The following MAML2 variants were observed in gnomAD, a reference collection of about 807,000 sequenced individuals.
MAML2 encodes the protein mastermind-like protein 2.
Under a neutral mutation model 96.1 loss-of-function variants are expected in MAML2, and 22 were observed. That is an observed-to-expected ratio of 0.23 (90% confidence interval 0.16 to 0.33). The LOEUF (loss-of-function observed/expected upper bound fraction) is 0.33, where lower values mean the gene tolerates loss of function less well. Among genes scored for constraint, MAML2 ranks in the 10% least tolerant of loss-of-function variants. The pLI, the probability that MAML2 is intolerant of heterozygous loss-of-function variation, is 1.00. For synonymous variants in MAML2, 561 were observed against 521.3 expected, an observed-to-expected ratio of 1.08 and a Z score of -1.04; for missense variants, 1,367 against 1,392.4, an observed-to-expected ratio of 0.98 and a Z score of 0.29.
chr11:96,050,362 G>T (rs978901655), intron 2 of MAML2, among the ~76,000 whole-genome samples: 2 of 152,140 alleles, frequency 1.3e-5, no homozygotes, highest in Admixed American at 6.5e-5. Context: ...GGCAAATATG[G>T]CCATGCCTGT....
chr11:96,041,470 A>T (rs1254918380), intron 2 of MAML2, among the ~76,000 whole-genome samples: 1 of 150,626 alleles, frequency 6.6e-6, no homozygotes, highest in Non-Finnish European at 1.5e-5. Context: ...ACAGAGTGAG[A>T]CTCCATAAAA....
At chr11:96,033,622 T>C (rs1858653066) in intron 2 of MAML2, among the ~76,000 whole-genome samples, 1 of 152,166 alleles carries the variant, frequency 6.6e-6, no homozygotes, top group Non-Finnish European at 1.5e-5. Context: ...TAATTTTGTT[T>C]TGGATGGTGC....
chr11:95,991,464 A>G, intron 3 of MAML2, 56 bp downstream of exon 3: 1 of 1,519,140 alleles, frequency 6.6e-7, no homozygotes, highest in Non-Finnish European at 9.1e-7. Flanking sequence ...GAAAAGAATA[A>G]ACTCCCTCTG....
chr11:96,136,813 A>G (rs1014704819), intron 1 of MAML2, among the ~76,000 whole-genome samples: 1 of 152,236 alleles, frequency 6.6e-6, no homozygotes, highest in African/African-American at 2.4e-5. Flanking sequence ...ACTTAGATCA[A>G]AATCCCTGTT....
chr11:96,186,461 T>C (rs1217412003), intron 1 of MAML2, among the ~76,000 whole-genome samples: 1 of 152,118 alleles, frequency 6.6e-6, no homozygotes, highest in Non-Finnish European at 1.5e-5. Context: ...TGGTGGTGCA[T>C]GCCTATAATC....
intron 1 of MAML2, among the ~76,000 whole-genome samples, chr11:96,150,945 G>A (rs1232026165): frequency 1.3e-5 from 2 of 152,088 alleles, no homozygotes; most frequent in African/African-American, 4.8e-5. Context: ...AGCATCTTAA[G>A]CCCCTCCCTA....
At chr11:96,250,182 C>T (rs569849749) in intron 1 of MAML2, among the ~76,000 whole-genome samples, 40 of 152,088 alleles carry the variant, frequency 2.6e-4, no homozygotes, top group Admixed American at 5.2e-4. Context: ...TATGAGTATA[C>T]ATCCATCTAG....
intron 2 of MAML2, among the ~76,000 whole-genome samples, chr11:96,064,928 G>C (rs1215673315): frequency 6.6e-6 from 1 of 151,992 alleles, no homozygotes; most frequent in African/African-American, 2.4e-5. Flanking sequence ...TTGTCATTTT[G>C]CTTGAACTCT....
chr11:96,222,223 G>A (rs868241117), intron 1 of MAML2, among the ~76,000 whole-genome samples: 13 of 152,176 alleles, frequency 8.5e-5, no homozygotes, highest in South Asian at 2.1e-4. Flanking sequence ...TGAAACATAC[G>A]CCTTGTGCTT....
intron 1 of MAML2, among the ~76,000 whole-genome samples, chr11:96,297,165 T>C (rs986173915): frequency 5.9e-5 from 9 of 152,138 alleles, no homozygotes; most frequent in African/African-American, 1.9e-4. Flanking sequence ...ACAGAGGAAA[T>C]GAAAATTCCG....
At chr11:96,280,099 C>T (rs1863044064) in intron 1 of MAML2, among the ~76,000 whole-genome samples, 1 of 152,212 alleles carries the variant, frequency 6.6e-6, no homozygotes, top group Non-Finnish European at 1.5e-5. Context: ...CACACACAAT[C>T]ATTCTTTTAT....
intron 1 of MAML2, among the ~76,000 whole-genome samples, chr11:96,339,802 C>A (rs1050508955): frequency 6.6e-6 from 1 of 152,176 alleles, no homozygotes; most frequent in Non-Finnish European, 1.5e-5. Context: ...ATTCTTTACC[C>A]CCCTCCTTTA....
At chr11:96,238,792 G>T (rs1428173345) in intron 1 of MAML2, among the ~76,000 whole-genome samples, 4 of 152,202 alleles carry the variant, frequency 2.6e-5, no homozygotes, top group Admixed American at 2.0e-4. Flanking sequence ...GAACATTATT[G>T]AGTCACTGAT....
intron 2 of MAML2, among the ~76,000 whole-genome samples, chr11:96,073,717 A>C (rs746332010): frequency 6.6e-5 from 10 of 152,194 alleles, no homozygotes; most frequent in Non-Finnish European, 1.5e-4. Flanking sequence ...TCCACATTCC[A>C]GTTAGCCGAG....
intron 2 of MAML2, among the ~76,000 whole-genome samples, chr11:96,056,169 T>C (rs1043048828): frequency 2.6e-5 from 4 of 152,208 alleles, no homozygotes; most frequent in African/African-American, 9.6e-5. Flanking sequence ...CTTCAGCTCA[T>C]GTTTGTTCTA....
intron 2 of MAML2, among the ~76,000 whole-genome samples, chr11:96,028,979 A>G (rs1226950269): frequency 6.6e-6 from 1 of 152,166 alleles, no homozygotes; most frequent in East Asian, 1.9e-4. Flanking sequence ...ATTTATGGCA[A>G]CTGAATAACA....
rs1857675812 is a variant in MAML2 at position 95,978,135 on chromosome 11, TG to T, written c.*812del. 1 of 213,262 alleles carries T rather than the reference TG, an allele frequency of 4.7e-6. No individual in the cohort carries two copies. The highest frequency in any genetic ancestry group is 2.3e-5 in the African/African-American group (1 of 44,252). The allele number at this position is 213,262 out of a possible 1,614,324, so 13.2% of individuals were successfully genotyped here. On this transcript the variant is annotated 3_prime_UTR_variant, in exon 5 of 5. Coordinates refer to ENST00000524717, the MANE Select transcript of MAML2 (RefSeq NM_032427.4). ...AAATCTTATTTATAGCAATGTCCAC[TG>T]GGTTTTTTAAAAAAGTGAAATCTAA... is the stretch of plus-strand genomic sequence containing the variant.
At chr11:96,076,670 A>G (rs1242805375) in intron 2 of MAML2, among the ~76,000 whole-genome samples, 2 of 152,178 alleles carry the variant, frequency 1.3e-5, no homozygotes, top group Non-Finnish European at 2.9e-5. Flanking sequence ...CAGAATATGT[A>G]CACTCAAAGG....
At chr11:96,028,533 A>G (rs561436738) in intron 2 of MAML2, among the ~76,000 whole-genome samples, 12 of 152,350 alleles carry the variant, frequency 7.9e-5, no homozygotes, top group Non-Finnish European at 1.6e-4. Flanking sequence ...CACTCCATGA[A>G]AGCCTATGAC....
Sources: allele counts gnomAD v4.1 joint callset (sites outside exome capture counted in the v4.1 genomes callset), GRCh38; gene constraint gnomAD v4.1.1; transcripts MANE v1.5; gene names NCBI Gene and HGNC (gene_info 2026-07-23, HGNC 2026-07-21).